RARB: variants seen among roughly 807,000 people sequenced by gnomAD.
RARB encodes the protein retinoic acid receptor beta, also known as HBV-activated protein.
RARB carries 17 observed loss-of-function variants against 51.9 expected under a neutral mutation model. The ratio of observed to expected loss-of-function variants is 0.33; its 90% CI spans 0.22 to 0.49. The LOEUF (loss-of-function observed/expected upper bound fraction) is 0.49. Ranked by LOEUF, RARB falls within the 20% of genes least tolerant of loss-of-function variation. The probability of loss-of-function intolerance (pLI) is 0.99; values close to 1 mark genes in which losing one functional copy is unlikely to be tolerated. For missense variants in RARB, 369 were observed against 550.8 expected, an observed-to-expected ratio of 0.67 and a Z score of 3.30; for synonymous variants, 215 against 195.4, an observed-to-expected ratio of 1.10 and a Z score of -0.84.
At chr3:25,125,839 A>G (rs914152776) in intron 3 of RARB, among the ~76,000 whole-genome samples, 5 of 152,170 alleles carry the variant, frequency 3.3e-5, no homozygotes, top group Admixed American at 2.6e-4. Flanking sequence ...ACAAACCAAT[A>G]CAGTGATATC....
intron 5 of RARB, among the ~76,000 whole-genome samples, chr3:25,321,883 G>C (rs866468988): frequency 2.6e-3 from 380 of 144,890 alleles, no homozygotes; most frequent in African/African-American, 9.5e-3. Flanking sequence ...AAAAAAAAAA[G>C]ACAAAAAGAT....
rs368865434 is a variant in RARB at position 25,511,364 on chromosome 3, C to T, written c.448+10041C>T. ...GCCAGGATGGTCTCAATCTCCTGAC[C>T]TCGTGATCTGCCCACCTCAGCCTCC... On this transcript the variant is annotated intron_variant, in intron 3 of 7. Transcript: ENST00000330688. Among the ~76,000 whole-genome samples the T allele has an allele frequency of 3.9e-5, 6 of 152,148 alleles. No individual in the cohort carries two copies. The East Asian group carries it at 7.7e-4, about 20-fold the overall frequency.
At chr3:25,121,776 A>G (rs1297650052) in intron 3 of RARB, among the ~76,000 whole-genome samples, 1 of 152,202 alleles carries the variant, frequency 6.6e-6, no homozygotes, top group Non-Finnish European at 1.5e-5. Context: ...CTACACATTT[A>G]TTAAGATTTA....
At chr3:24,876,312 A>G (rs79561482) in intron 2 of RARB, among the ~76,000 whole-genome samples, 9,397 of 152,178 alleles carry the variant, frequency 0.062, 460 homozygotes, top group East Asian at 0.16. Flanking sequence ...GTCTATGACA[A>G]TTATCACTGA....
rs1575423206 is a variant in RARB, at chr3:25,458,558, T to TA, written c.158-2634dup. On this transcript the variant is annotated intron_variant, in intron 1 of 7. Transcript: ENST00000330688. ...CTACTGCTTGATAGCTGATAAGCTTTAGTGACATCTCAGATACCAGCCCTT... is the reference window on the plus strand; with the variant it reads ...CTACTGCTTGATAGCTGATAAGCTTTAAGTGACATCTCAGATACCAGCCCTT... 2.6e-5 allele frequency among the ~76,000 whole-genome samples: 4 copies of TA among 152,358 alleles called. No individual in the cohort carries two copies. The East Asian group carries it at 7.7e-4, about 29-fold the overall frequency.
intron 5 of RARB, among the ~76,000 whole-genome samples, chr3:25,395,705 G>A (rs778271390): frequency 7.2e-5 from 11 of 151,956 alleles, no homozygotes; most frequent in African/African-American, 1.2e-4. Flanking sequence ...AAACTTTGCA[G>A]TATATTTTGG....
chr3:25,217,223 G>A (rs1266495810), intron 5 of RARB, among the ~76,000 whole-genome samples: 1 of 152,052 alleles, frequency 6.6e-6, no homozygotes, highest in Non-Finnish European at 1.5e-5. Flanking sequence ...TAGCAGAACA[G>A]GATAAATGTT....
At chr3:24,913,322 G>T (rs1024158503) in intron 2 of RARB, among the ~76,000 whole-genome samples, 1 of 150,842 alleles carries the variant, frequency 6.6e-6, no homozygotes, top group Admixed American at 6.6e-5. Context: ...TTCCCACTGA[G>T]ATTTCCTTCA....
At chr3:24,918,383 A>T (rs1295569431) in intron 2 of RARB, among the ~76,000 whole-genome samples, 1 of 152,214 alleles carries the variant, frequency 6.6e-6, no homozygotes, top group Non-Finnish European at 1.5e-5. Context: ...GGCAAAGTAG[A>T]TATGAGTTGC....
chr3:25,412,674 A>T (rs1707593642), intron 5 of RARB, among the ~76,000 whole-genome samples: 1 of 152,238 alleles, frequency 6.6e-6, no homozygotes, highest in South Asian at 2.1e-4. Context: ...TATACAGCTT[A>T]GTTTTTACAA....
chr3:24,960,475 TGA>T (rs2125411148), intron 2 of RARB, among the ~76,000 whole-genome samples: 1 of 152,320 alleles, frequency 6.6e-6, no homozygotes, highest in East Asian at 1.9e-4. Context: ...TGCCAGTTTG[TGA>T]GAGTGTGTGC....
At chr3:24,975,548 A>G (rs1696492246) in intron 2 of RARB, among the ~76,000 whole-genome samples, 1 of 152,156 alleles carries the variant, frequency 6.6e-6, no homozygotes, top group Admixed American at 6.6e-5. Flanking sequence ...TAATTTTTCT[A>G]TAATTTGCTC....
At chr3:25,349,709 GT>G (rs1705501770) in intron 5 of RARB, among the ~76,000 whole-genome samples, 1 of 152,056 alleles carries the variant, frequency 6.6e-6, no homozygotes, top group South Asian at 2.1e-4. Flanking sequence ...AGTTCTATGT[GT>G]TTTGTGTCTT....
chr3:25,446,333 A>T (rs370645953), intron 1 of RARB, among the ~76,000 whole-genome samples: 2 of 152,196 alleles, frequency 1.3e-5, no homozygotes, highest in East Asian at 1.9e-4. Flanking sequence ...CCAAATCTGG[A>T]TTTTGTAAAT....
At chr3:25,222,103 T>C (rs998232819) in intron 5 of RARB, among the ~76,000 whole-genome samples, 3 of 152,194 alleles carry the variant, frequency 2.0e-5, no homozygotes, top group Non-Finnish European at 4.4e-5. Context: ...GTCATTCTAA[T>C]GATGCATTAG....
intron 5 of RARB, among the ~76,000 whole-genome samples, chr3:25,403,553 A>G (rs975371877): frequency 2.0e-5 from 3 of 152,226 alleles, no homozygotes; most frequent in Non-Finnish European, 4.4e-5. Flanking sequence ...CCTTTAAACC[A>G]GAGTAAGCCT....
chr3:25,220,120 A>T (rs969679297), intron 5 of RARB, among the ~76,000 whole-genome samples: 2 of 152,222 alleles, frequency 1.3e-5, no homozygotes, highest in African/African-American at 4.8e-5. Flanking sequence ...TCTCACCTGT[A>T]GCCATAAATT....
At chr3:24,889,062 G>A (rs769582392) in intron 2 of RARB, among the ~76,000 whole-genome samples, 1 of 152,166 alleles carries the variant, frequency 6.6e-6, no homozygotes, top group Admixed American at 6.5e-5. Context: ...GTTCTGCTGA[G>A]GGCAGGAAGT....
intron 5 of RARB, among the ~76,000 whole-genome samples, chr3:25,399,484 C>T (rs1473969084): frequency 6.6e-6 from 1 of 152,106 alleles, no homozygotes; most frequent in Non-Finnish European, 1.5e-5. Flanking sequence ...TTATCTTATC[C>T]ACTTCATCCT....
Sources: allele counts gnomAD v4.1 joint callset (sites outside exome capture counted in the v4.1 genomes callset), GRCh38; gene constraint gnomAD v4.1.1; transcripts MANE v1.5; gene names NCBI Gene and HGNC (gene_info 2026-07-23, HGNC 2026-07-21).